The following VSTM4 variants were observed in gnomAD, a reference collection of about 807,000 sequenced individuals.
The protein encoded by VSTM4 is V-set and transmembrane domain containing 4.
VSTM4 carries 20 observed loss-of-function variants against 36.4 expected under a neutral mutation model. That is an observed-to-expected ratio of 0.55 (90% CI 0.39 to 0.80). The LOEUF (loss-of-function observed/expected upper bound fraction) is 0.80, where lower values mean the gene tolerates loss of function less well. Among genes scored for constraint, VSTM4 ranks in the 30% least tolerant of loss-of-function variants. The probability of loss-of-function intolerance (pLI) is 0.00; values close to 1 mark genes in which losing one functional copy is unlikely to be tolerated. For missense variants in VSTM4, 392 were observed against 404.5 expected, an observed-to-expected ratio of 0.97 and a Z score of 0.26; for synonymous variants, 182 against 173.9, an observed-to-expected ratio of 1.05 and a Z score of -0.37.
chr10:49,054,127 G>C (rs1843740005), intron 5 of VSTM4, among the ~76,000 whole-genome samples: 1 of 152,170 alleles, frequency 6.6e-6, no homozygotes, highest in Non-Finnish European at 1.5e-5. Context: ...AGCTGAGAAG[G>C]GGACATGGGA....
chr10:49,052,452 C>G (rs1247449798), intron 5 of VSTM4, among the ~76,000 whole-genome samples: 1 of 122,516 alleles, frequency 8.2e-6, no homozygotes. Context: ...TTTTTTGGAT[C>G]TTGATTTAGG....
In VSTM4 at chr10:49,046,927, T is replaced by A. The variant is rs1215357046; in HGVS notation, c.837+56A>T. 13 of 1,548,440 alleles carry A rather than the reference T, an allele frequency of 8.4e-6. No homozygotes were observed. In the East Asian group the frequency reaches 2.9e-4, roughly 35 times the overall value. On this transcript the variant is annotated intron_variant, in intron 7 of 7. Coordinates refer to ENST00000332853, the MANE Select transcript of VSTM4 (RefSeq NM_001031746.5). Reference sequence around the variant, plus strand: ...AGTTAATAAAGGCACTGTTTTGGAATCTGAGTTGTGTCTGAGGCTTAAGGT... The same window carrying A: ...AGTTAATAAAGGCACTGTTTTGGAAACTGAGTTGTGTCTGAGGCTTAAGGT...
At chr10:49,084,638 TG>T (rs1474742490) in intron 3 of VSTM4, among the ~76,000 whole-genome samples, 2 of 152,230 alleles carry the variant, frequency 1.3e-5, no homozygotes, top group Non-Finnish European at 2.9e-5. Context: ...TAGAGACTTT[TG>T]GCTAGATCAT....
At chr10:49,105,753 A>G (rs953155262) in intron 2 of VSTM4, among the ~76,000 whole-genome samples, 15 of 152,160 alleles carry the variant, frequency 9.9e-5, no homozygotes, top group Admixed American at 9.8e-4. Context: ...CACTGCCAAG[A>G]TATTTCGTCT....
At chr10:49,096,623 G>GTGTGTGTGTGTC (rs1491096130) in intron 2 of VSTM4, among the ~76,000 whole-genome samples, 4 of 16,000 alleles carry the variant, frequency 2.5e-4, no homozygotes, top group African/African-American at 2.2e-3. Flanking sequence ...ATTGAAGACC[G>GTGTGTGTGTGTC]TGTGTGTGTG....
At chr10:49,105,665 C>T (rs564416429) in intron 2 of VSTM4, among the ~76,000 whole-genome samples, 9 of 152,238 alleles carry the variant, frequency 5.9e-5, no homozygotes, top group South Asian at 2.1e-4. Context: ...ATGAGATTCA[C>T]GTTAACCAAC....
intron 5 of VSTM4, among the ~76,000 whole-genome samples, chr10:49,053,193 T>C (rs1564575006): frequency 6.6e-6 from 1 of 152,186 alleles, no homozygotes; most frequent in Non-Finnish European, 1.5e-5. Context: ...GCTGTTTGAT[T>C]AGAGAGAAGT....
At chr10:49,114,502 T>G (rs1844953460) in intron 1 of VSTM4, among the ~76,000 whole-genome samples, 1 of 152,140 alleles carries the variant, frequency 6.6e-6, no homozygotes, top group Non-Finnish European at 1.5e-5. Flanking sequence ...TTCATGGGCC[T>G]GAGCCTCAGT....
chr10:49,052,542 A>G (rs567536193), intron 5 of VSTM4, among the ~76,000 whole-genome samples: 429 of 35,796 alleles, frequency 0.012, 3 homozygotes, highest in African/African-American at 0.022. Context: ...CCATTTGGAC[A>G]TATTTATTGA....
chr10:49,032,900 T>A (rs1347495775), intron 7 of VSTM4, among the ~76,000 whole-genome samples: 1 of 150,822 alleles, frequency 6.6e-6, no homozygotes, highest in Non-Finnish European at 1.5e-5. Context: ...GAGGATATCT[T>A]CCATTGGTGA....
intron 2 of VSTM4, chr10:49,102,278 A>G: frequency 2.6e-6 from 1 of 378,964 alleles, no homozygotes; most frequent in Non-Finnish European, 3.6e-6. Context: ...CTGGGATTAC[A>G]GGTGCACACC....
intron 2 of VSTM4, 131 bp downstream of exon 2, chr10:49,107,463 A>G: frequency 8.4e-7 from 1 of 1,185,666 alleles, no homozygotes; most frequent in Non-Finnish European, 1.2e-6. Flanking sequence ...CATGTCTGTG[A>G]CCAACAGAGG....
At chr10:49,096,640 T>TGTGTGG (rs1446711230) in intron 2 of VSTM4, among the ~76,000 whole-genome samples, 6 of 146,480 alleles carry the variant, frequency 4.1e-5, no homozygotes, top group Non-Finnish European at 6.1e-5. Context: ...TGTGTGTGTG[T>TGTGTGG]GTGTGTGTGT....
intron 7 of VSTM4, among the ~76,000 whole-genome samples, chr10:49,045,364 G>T (rs1272262142): frequency 6.6e-6 from 1 of 152,004 alleles, no homozygotes; most frequent in South Asian, 2.1e-4. Flanking sequence ...GAAAAAAGGG[G>T]GCCATTTTCC....
At chr10:49,071,909 A>G (rs1022267099) in intron 4 of VSTM4, among the ~76,000 whole-genome samples, 4 of 152,220 alleles carry the variant, frequency 2.6e-5, no homozygotes, top group African/African-American at 7.2e-5. Flanking sequence ...GAAACCATGA[A>G]CAGAACAAGG....
intron 2 of VSTM4, among the ~76,000 whole-genome samples, chr10:49,092,968 A>T (rs10219080): frequency 0.057 from 8,722 of 152,208 alleles, 835 homozygotes; most frequent in African/African-American, 0.2. Context: ...GCCACAGAGC[A>T]GCCCAACTCC....
intron 4 of VSTM4, among the ~76,000 whole-genome samples, chr10:49,065,099 C>A (rs187586712): frequency 2.6e-5 from 4 of 152,166 alleles, no homozygotes; most frequent in African/African-American, 9.7e-5. Context: ...GATGGAATAA[C>A]GTGTCCATTT....
Position 49,048,532 on chromosome 10 carries a change from T to C in VSTM4, c.721A>G (p.Lys241Glu). The C allele has an allele frequency of 6.3e-7, 1 of 1,599,930 alleles. No homozygotes were observed. Among genetic ancestry groups the C allele is most frequent in the Non-Finnish European group, 8.5e-7 (1 of 1,174,698 alleles). Residue 241 changes from lysine to glutamate, a missense_variant, in exon 6 of 8, where the codon AAG becomes GAG. Physicochemically the swap from Lys to Glu is moderately conservative, Grantham distance 56. Coordinates refer to ENST00000332853, the MANE Select transcript of VSTM4 (RefSeq NM_001031746.5). Reference protein sequence around the residue: ...VTSLAPLQPKKGKRQKEKPDI... With the variant: ...VTSLAPLQPKEGKRQKEKPDI... The stretch of plus-strand genomic sequence containing the variant: ...GGCTTCTCCTTCTGCCTCTTGCCCT[T>C]CTTGGGCTGTAGTGGGGCCAAGCTG...
At chr10:49,097,972 G>C (rs1844602706) in intron 2 of VSTM4, among the ~76,000 whole-genome samples, 1 of 152,144 alleles carries the variant, frequency 6.6e-6, no homozygotes, top group Non-Finnish European at 1.5e-5. Context: ...GAGTATTTGG[G>C]AATCCCAACA....
Sources: gnomAD v4.1 joint callset for allele counts (sites outside exome capture counted in the v4.1 genomes callset) on GRCh38, gnomAD v4.1.1 for gene constraint, MANE v1.5 for transcripts, NCBI Gene and HGNC (gene_info 2026-07-23, HGNC 2026-07-21) for gene names.